The following POU6F2 variants were observed in gnomAD, a reference collection of about 807,000 sequenced individuals.
POU6F2 encodes the protein POU class 6 homeobox 2.
In POU6F2, 31 loss-of-function variants were observed where a neutral mutation model predicts 71.3. That is an observed-to-expected ratio of 0.43 (90% CI 0.33 to 0.59). POU6F2 has a LOEUF of 0.59. POU6F2 is among the 20% of genes least tolerant of loss of function. The pLI, the probability that POU6F2 is intolerant of heterozygous loss-of-function variation, is 0.04. For synonymous variants in POU6F2, 347 were observed against 355.7 expected (o/e 0.98, Z 0.27); for missense variants, 783 against 856.8 (o/e 0.91, Z 1.07).
chr7:39,210,457 A>AAAT (rs1794117769), intron 4 of POU6F2, among the ~76,000 whole-genome samples: 1 of 152,198 alleles, frequency 6.6e-6, no homozygotes, highest in Non-Finnish European at 1.5e-5. Context: ...TTTGGAATTC[A>AAAT]GGGATAAGTT....
At chr7:39,137,582 T>C (rs1056626877) in intron 2 of POU6F2, among the ~76,000 whole-genome samples, 3 of 152,226 alleles carry the variant, frequency 2.0e-5, no homozygotes, top group Non-Finnish European at 4.4e-5. Context: ...GATTCTTTTA[T>C]AGTTAAAGAG....
chr7:39,030,540 A>ATATATATG (rs1789917151), intron 1 of POU6F2, among the ~76,000 whole-genome samples: 5 of 130,396 alleles, frequency 3.8e-5, no homozygotes, highest in South Asian at 2.4e-4. Flanking sequence ...ATATATATAT[A>ATATATATG]TATACACACA....
intron 1 of POU6F2, among the ~76,000 whole-genome samples, chr7:39,082,794 G>GCACA (rs35710081): frequency 0.18 from 24,650 of 136,834 alleles, 2,150 homozygotes; most frequent in South Asian, 0.23. Context: ...ACCATGTCAT[G>GCACA]CACACACACA....
intron 1 of POU6F2, among the ~76,000 whole-genome samples, chr7:39,012,669 G>T (rs1481221942): frequency 6.6e-6 from 1 of 152,032 alleles, no homozygotes; most frequent in Non-Finnish European, 1.5e-5. Context: ...TCTACTTTTG[G>T]TCTTTGATGA....
At chr7:39,336,470 T>G (rs987170620) in intron 4 of POU6F2, among the ~76,000 whole-genome samples, 5 of 152,230 alleles carry the variant, frequency 3.3e-5, no homozygotes, top group African/African-American at 1.2e-4. Flanking sequence ...TTCCTTGGTG[T>G]TCTTTCTCTC....
chr7:39,422,027 T>G (rs991413850), intron 6 of POU6F2, among the ~76,000 whole-genome samples: 4 of 152,198 alleles, frequency 2.6e-5, no homozygotes, highest in African/African-American at 9.6e-5. Context: ...TTCACCACAG[T>G]TGTGCTTCTC....
intron 4 of POU6F2, among the ~76,000 whole-genome samples, chr7:39,272,740 A>AT (rs913526082): frequency 2.6e-5 from 4 of 152,184 alleles, no homozygotes; most frequent in African/African-American, 4.8e-5. Flanking sequence ...AGGAAGACCT[A>AT]TTTTTAAGCA....
chr7:39,219,445 C>T (rs937912956), intron 4 of POU6F2, among the ~76,000 whole-genome samples: 1 of 151,928 alleles, frequency 6.6e-6, no homozygotes, highest in African/African-American at 2.4e-5. Context: ...TTTAAAGAAC[C>T]TTTGGGTCAT....
At chr7:39,038,263 CT>C (rs1790108847) in intron 1 of POU6F2, among the ~76,000 whole-genome samples, 1 of 151,830 alleles carries the variant, frequency 6.6e-6, no homozygotes, top group Non-Finnish European at 1.5e-5. Context: ...GTATACTATA[CT>C]TTTCCATCAT....
At chr7:39,070,635 C>T (rs1790859753) in intron 1 of POU6F2, among the ~76,000 whole-genome samples, 5 of 152,032 alleles carry the variant, frequency 3.3e-5, no homozygotes, top group Admixed American at 3.3e-4. Context: ...CTAAACAGGC[C>T]TCCAGCGCAG....
intron 1 of POU6F2, among the ~76,000 whole-genome samples, chr7:38,980,951 G>C (rs970889453): frequency 6.6e-6 from 1 of 152,134 alleles, no homozygotes; most frequent in African/African-American, 2.4e-5. Context: ...GCTCATATAT[G>C]CCTTTCCCCT....
chr7:39,058,228 G>A (rs746906952), intron 1 of POU6F2, among the ~76,000 whole-genome samples: 1 of 152,066 alleles, frequency 6.6e-6, no homozygotes, highest in African/African-American at 2.4e-5. Context: ...TCAGTCTCCC[G>A]GGGAACAATA....
At chr7:39,313,579 C>G (rs1025733698) in intron 4 of POU6F2, among the ~76,000 whole-genome samples, 1 of 151,968 alleles carries the variant, frequency 6.6e-6, no homozygotes, top group Non-Finnish European at 1.5e-5. Context: ...ATAAATAAAT[C>G]AGGGTCTAAG....
intron 2 of POU6F2, among the ~76,000 whole-genome samples, chr7:39,194,740 C>T (rs938866333): frequency 2.0e-5 from 3 of 152,164 alleles, no homozygotes; most frequent in Non-Finnish European, 4.4e-5. Context: ...GCTGGTGCTC[C>T]CTCTTTGCTT....
chr7:39,420,616 A>C (rs911278900), intron 6 of POU6F2, among the ~76,000 whole-genome samples: 1 of 152,170 alleles, frequency 6.6e-6, no homozygotes, highest in African/African-American at 2.4e-5. Flanking sequence ...AAATGCTCCA[A>C]TTTTTTTAGC....
intron 2 of POU6F2, among the ~76,000 whole-genome samples, chr7:39,149,756 A>G (rs1450127748): frequency 6.6e-6 from 1 of 152,144 alleles, no homozygotes; most frequent in East Asian, 1.9e-4. Flanking sequence ...GTGTGTATAT[A>G]TATATGTGAG....
chr7:39,272,254 A>G (rs1479856047), intron 4 of POU6F2, among the ~76,000 whole-genome samples: 1 of 152,186 alleles, frequency 6.6e-6, no homozygotes, highest in Non-Finnish European at 1.5e-5. Flanking sequence ...TAGTCGATTC[A>G]TCATCCTCCC....
chr7:39,068,112 C>A (rs1031259569), intron 1 of POU6F2, among the ~76,000 whole-genome samples: 1 of 151,990 alleles, frequency 6.6e-6, no homozygotes, highest in Non-Finnish European at 1.5e-5. Context: ...TTTGATAGCC[C>A]AGCCTTATCA....
intron 4 of POU6F2, among the ~76,000 whole-genome samples, chr7:39,303,212 G>A (rs6964993): frequency 0.22 from 33,840 of 151,864 alleles, 4,268 homozygotes; most frequent in African/African-American, 0.36. Context: ...GCTGGAGTGC[G>A]GTAGCACTCA....
Sources: allele counts gnomAD v4.1 joint callset (sites outside exome capture counted in the v4.1 genomes callset), GRCh38; gene constraint gnomAD v4.1.1; transcripts MANE v1.5; gene names NCBI Gene and HGNC (gene_info 2026-07-23, HGNC 2026-07-21).